INHBA: variants seen among roughly 807,000 people sequenced by gnomAD.
The protein encoded by INHBA is inhibin subunit beta A.
INHBA carries 1 observed loss-of-function variant against 29.0 expected under a neutral mutation model. The ratio of observed to expected loss-of-function variants is 0.03; its 90% CI spans 0.01 to 0.16. The LOEUF (loss-of-function observed/expected upper bound fraction) is 0.16, where lower values mean the gene tolerates loss of function less well. Among genes scored for constraint, INHBA ranks in the 10% least tolerant of loss-of-function variants. The pLI is 1.00. For synonymous variants in INHBA, 242 were observed against 216.8 expected (o/e 1.12, Z -1.02); for missense variants, 376 against 545.4 (o/e 0.69, Z 3.09).
chr7:41,701,885 C>T (rs1320312359), intron 1 of INHBA, among the ~76,000 whole-genome samples: 1 of 152,268 alleles, frequency 6.6e-6, no homozygotes, highest in Middle Eastern at 3.4e-3. Flanking sequence ...CTCAAAGGAA[C>T]AGTGCAGATG....
chr7:41,694,385 A>G (rs947905796), intron 2 of INHBA, among the ~76,000 whole-genome samples: 4 of 152,228 alleles, frequency 2.6e-5, no homozygotes, highest in Admixed American at 1.3e-4. Context: ...TCCAATCTCC[A>G]TGCATAACAA....
At position 41,690,176 on chromosome 7, in the gene INHBA, G is replaced by A; in HGVS notation, c.755C>T (p.Ala252Val). Residue 252 changes from alanine (A) to valine (V), a missense_variant, in exon 3 of 3, where the codon GCC becomes GTC. Transcript: ENST00000242208. ...IACEQCQESG[A>V]SLVLLGKKKK... ...CTTCTTGCCCAGGAGAACCAAGCTG[G>A]CGCCACTCTCCTGGCACTGCTCACA... 1 of 1,613,570 alleles carries A rather than the reference G, an allele frequency of 6.2e-7. No individual in the cohort carries two copies. The highest frequency in any genetic ancestry group is 8.5e-7 in the Non-Finnish European group (1 of 1,179,970).
chr7:41,705,200 G>C (rs1368986067), upstream of INHBA: 1 of 153,176 alleles, frequency 6.5e-6, no homozygotes, highest in Non-Finnish European at 1.5e-5. Flanking sequence ...CCTTGGTTTG[G>C]TTTCTCTTTC....
intron 1 of INHBA, among the ~76,000 whole-genome samples, chr7:41,701,133 T>A (rs1794783550): frequency 6.6e-6 from 1 of 152,140 alleles, no homozygotes; most frequent in African/African-American, 2.4e-5. Flanking sequence ...ACCTTCTTCC[T>A]TTTTTGGAGG....
At chr7:41,694,420 G>A (rs1237131766) in intron 2 of INHBA, among the ~76,000 whole-genome samples, 1 of 152,156 alleles carries the variant, frequency 6.6e-6, no homozygotes, top group Admixed American at 6.5e-5. Context: ...GGTTGACTAA[G>A]GCTGGGATGT....
Position 41,689,524 on chromosome 7 carries a change from T to TG in INHBA, c.*125_*126insC, listed in dbSNP as rs1794453265. On this transcript the variant is annotated 3_prime_UTR_variant, in exon 3 of 3. Transcript: ENST00000242208. ...TTTAATTTACTTTTGTTTTTTTTTG[T>TG]TTTTTTTTTTGTTTTGTTTTTAATT... The TG allele has an allele frequency of 1.3e-5, 7 of 558,066 alleles. No individual in the cohort carries two copies. Among genetic ancestry groups the TG allele is most frequent in the African/African-American group, 4.5e-5 (2 of 44,850 alleles). The allele number at this position is 558,066 out of a possible 1,614,324, so 34.6% of individuals were successfully genotyped here. A position where few individuals can be genotyped will look rare whatever the true frequency, so the allele number is the denominator to read the frequency against.
At position 41,685,558 on chromosome 7, in the gene INHBA, G is replaced by A. The variant is rs1451457453; in HGVS notation, c.*4092C>T. ...ACATAAAAAGTTTTAAAATAAAACA[G>A]GCTTCAGATTATCTTGGCTTTCATA... On this transcript the variant is annotated 3_prime_UTR_variant, in exon 3 of 3. Coordinates refer to ENST00000242208, the MANE Select transcript of INHBA (RefSeq NM_002192.4). 1.3e-5 allele frequency: 2 copies of A among 152,028 alleles called. No homozygotes were observed. The highest frequency in any genetic ancestry group is 1.9e-4 in the East Asian group (1 of 5,190). 9.4% of individuals were successfully genotyped at this position (152,028 alleles called of 1,614,324 possible).
At chr7:41,703,288 A>C (rs1794836434), upstream of INHBA, among the ~76,000 whole-genome samples, 1 of 152,188 alleles carries the variant, frequency 6.6e-6, no homozygotes. Context: ...TGGGTGATGC[A>C]CTGAGCCAGT....
Position 41,690,377 on chromosome 7 carries a change from C to G in INHBA, c.554G>C (p.Ser185Thr), listed in dbSNP as rs868188277. ...CTCGGCCTCTTCCCCTGTGTCCAAG[C>G]TGCCCTGCGGGTGCTTCTGCTGCTG... is the stretch of plus-strand genomic sequence containing the variant. ...LFQQQKHPQG[S>T]LDTGEEAEEV... The change falls in exon 3 of 3, where the codon AGC (serine) becomes ACC (threonine). Residue 185 changes from serine (S) to threonine (T), a missense_variant. Physicochemically the swap from Ser to Thr is moderately conservative, Grantham distance 58. This residue lies in a region of INHBA where 253 missense variants were observed against 313.4 expected (regional missense o/e 0.81). Transcript: ENST00000242208. 6.2e-7 allele frequency: 1 copy of G among 1,614,128 alleles called. No homozygotes were observed. Among genetic ancestry groups the G allele is most frequent in the Admixed American group, 1.7e-5 (1 of 60,028 alleles).
chr7:41,700,601 G>A, intron 1 of INHBA, 84 bp from the exon 2 acceptor site: 1 of 225,168 alleles, frequency 4.4e-6, no homozygotes, highest in Non-Finnish European at 8.7e-6. Flanking sequence ...GTTTGTGGCT[G>A]TCAGGGAGGA....
Position 41,700,280 on chromosome 7 carries a change from G to C in INHBA, c.95C>G (p.Ala32Gly), listed in dbSNP as rs1488136875. The change falls in exon 2 of 3, where the codon GCC (alanine) becomes GGC (glycine). Residue 32 changes from alanine (A) to glycine (G), a missense_variant. This residue lies in a region of INHBA where 71 missense variants were observed against 77.0 expected (regional missense o/e 0.92). Transcript: ENST00000242208. ...CAGCGCACAGGACGGACAGTCGGGG[G>C]CCGCGCTGTGCCCCTCGGATCCTGG... is the stretch of plus-strand genomic sequence containing the variant. Reference protein sequence around the residue: ...PTPGSEGHSAAPDCPSCALAA... With the variant: ...PTPGSEGHSAGPDCPSCALAA... 6.3e-7 allele frequency: 1 copy of C among 1,595,432 alleles called. No homozygotes were observed. The highest frequency in any genetic ancestry group is 2.2e-5 in the East Asian group (1 of 44,588).
upstream of INHBA, chr7:41,703,205 T>G (rs560605256): frequency 1.3e-5 from 2 of 152,256 alleles, no homozygotes; most frequent in Non-Finnish European, 2.9e-5. Flanking sequence ...AGCGGATGAC[T>G]GGTTTTTCCA....
At chr7:41,697,365 C>T (rs953026137) in intron 2 of INHBA, among the ~76,000 whole-genome samples, 1 of 152,186 alleles carries the variant, frequency 6.6e-6, no homozygotes, top group Admixed American at 6.5e-5. Flanking sequence ...AATAACAACT[C>T]GCATCAACTT....
upstream of INHBA, among the ~76,000 whole-genome samples, chr7:41,703,991 G>A (rs968572470): frequency 6.6e-6 from 1 of 152,144 alleles, no homozygotes; most frequent in African/African-American, 2.4e-5. Flanking sequence ...CAGGAGGAAG[G>A]GGTCCTCTGA....
intron 2 of INHBA, among the ~76,000 whole-genome samples, chr7:41,694,794 T>C (rs1278711269): frequency 6.6e-6 from 1 of 151,902 alleles, no homozygotes; most frequent in Admixed American, 6.6e-5. Context: ...GGTGGACACA[T>C]ACCAAAGAGA....
At chr7:41,699,869 C>T (rs564285188) in intron 2 of INHBA, 118 bp downstream of exon 2, 3 of 764,894 alleles carry the variant, frequency 3.9e-6, no homozygotes, top group South Asian at 3.6e-5. Context: ...TAACTAATAA[C>T]CTTCCCAGGC....
chr7:41,699,850 A>C, intron 2 of INHBA, 137 bp downstream of exon 2: 1 of 642,276 alleles, frequency 1.6e-6, no homozygotes. Context: ...GTCCGCTACC[A>C]TCACCTAATA....
In INHBA at chr7:41,690,015, G is replaced by C. The variant is rs564878978; in HGVS notation, c.916C>G (p.Arg306Gly). Reference protein sequence around the residue: ...QARQSEDHPHRRRRRGLECDG... With the variant: ...QARQSEDHPHGRRRRGLECDG... ...CACTCCAAGCCCCGCCGACGCCGGC[G>C]ATGAGGGTGGTCTTCAGACTGCCGG... The change falls in exon 3 of 3, where the codon CGC becomes GGC. Residue 306 changes from arginine to glycine, a missense_variant. Physicochemically the swap from Arg to Gly is moderately radical, Grantham distance 125 (BLOSUM62 -2). Coordinates refer to ENST00000242208, the MANE Select transcript of INHBA (RefSeq NM_002192.4). 6 of 1,614,056 alleles carry C rather than the reference G, an allele frequency of 3.7e-6. No homozygotes were observed. The highest frequency in any genetic ancestry group is 5.1e-6 in the Non-Finnish European group (6 of 1,180,028).
intron 2 of INHBA, among the ~76,000 whole-genome samples, chr7:41,698,262 T>C (rs932485255): frequency 6.6e-6 from 1 of 152,106 alleles, no homozygotes; most frequent in African/African-American, 2.4e-5. Flanking sequence ...AAGAGGGGCA[T>C]ATTGCTAGTA....
Sources: allele counts gnomAD v4.1 joint callset (sites outside exome capture counted in the v4.1 genomes callset), GRCh38; gene constraint gnomAD v4.1.1; regional missense constraint gnomAD v4.1.1; transcripts MANE v1.5; gene names NCBI Gene and HGNC (gene_info 2026-07-23, HGNC 2026-07-21).